Variants in GRIA1 observed in about 807,000 individuals in gnomAD.
The protein encoded by GRIA1 is glutamate ionotropic receptor AMPA type subunit 1.
A neutral mutation model predicts 99.2 loss-of-function variants in GRIA1; 31 were observed. The ratio of observed to expected loss-of-function variants is 0.31; its 90% CI spans 0.23 to 0.42. The LOEUF (loss-of-function observed/expected upper bound fraction) is 0.42. Among genes scored for constraint, GRIA1 ranks in the 10% least tolerant of loss-of-function variants. The pLI, the probability that GRIA1 is intolerant of heterozygous loss-of-function variation, is 1.00. For missense variants in GRIA1, 782 were observed against 1,157.5 expected (o/e 0.68, Z 4.71); for synonymous variants, 438 against 432.4 (o/e 1.01, Z -0.16).
At position 153,811,499 on chromosome 5, in the gene GRIA1, G is replaced by A. The variant is rs1766817786; in HGVS notation, c.*274G>A. 2.5e-6 allele frequency: 1 copy of A among 392,284 alleles called. No homozygotes were observed. Among genetic ancestry groups the A allele is most frequent in the Non-Finnish European group, 4.8e-6 (1 of 208,974 alleles). 24.3% of individuals were successfully genotyped at this position (392,284 alleles called of 1,614,324 possible). On this transcript the variant is annotated 3_prime_UTR_variant, in exon 16 of 16. Transcript: ENST00000285900. ...TAAGGGGAGAGTAACCCTGTCTAAT[G>A]AAACCTGTGTCTCTGAGAGTAGAGT...
At chr5:153,771,972 G>A (rs1229140111) in intron 13 of GRIA1, among the ~76,000 whole-genome samples, 1 of 152,036 alleles carries the variant, frequency 6.6e-6, no homozygotes, top group South Asian at 2.1e-4. Context: ...GAGTTTAAGA[G>A]ACATGAAAAA....
At chr5:153,722,666 T>C (rs1422068640) in intron 11 of GRIA1, among the ~76,000 whole-genome samples, 1 of 152,364 alleles carries the variant, frequency 6.6e-6, no homozygotes, top group Admixed American at 6.5e-5. Context: ...GATATAGTTG[T>C]CTGTCTTTGC....
At chr5:153,760,254 C>T (rs573228931) in intron 11 of GRIA1, among the ~76,000 whole-genome samples, 1 of 152,112 alleles carries the variant, frequency 6.6e-6, no homozygotes, top group African/African-American at 2.4e-5. Flanking sequence ...GAAGTCAGAT[C>T]GTCCCTGTTT....
intron 2 of GRIA1, among the ~76,000 whole-genome samples, chr5:153,617,682 A>C (rs1322840647): frequency 6.6e-6 from 1 of 152,186 alleles, no homozygotes. Flanking sequence ...AGAACAAACC[A>C]ACTGAAGCAT....
rs115084007 is a variant in GRIA1, at chr5:153,766,582, G to A, written c.2022+1950G>A. On this transcript the variant is annotated intron_variant, in intron 12 of 15. Coordinates refer to ENST00000285900, the MANE Select transcript of GRIA1 (RefSeq NM_000827.4). ...CTTGGGAAATTCTTTTGATGCAAGT[G>A]TCAGGGGTGGGTACCAAATCTGAGT... Among the ~76,000 whole-genome samples the A allele has an allele frequency of 6.0e-3, 913 of 152,274 alleles. 10 individuals are homozygous for A. The highest frequency in any genetic ancestry group is 0.021 in the African/African-American group (872 of 41,556).
chr5:153,652,388 T>A (rs9324753), intron 4 of GRIA1, among the ~76,000 whole-genome samples: 10,849 of 152,258 alleles, frequency 0.071, 1,295 homozygotes, highest in African/African-American at 0.25. Flanking sequence ...TTCCCATGCA[T>A]AATCCTACTT....
intron 2 of GRIA1, among the ~76,000 whole-genome samples, chr5:153,563,882 T>C (rs1561645435): frequency 6.6e-6 from 1 of 152,152 alleles, no homozygotes; most frequent in Admixed American, 6.5e-5. Flanking sequence ...CTACTATGAG[T>C]AGTATTGTTG....
chr5:153,757,187 T>G lies in GRIA1; in HGVS notation c.1824-7247T>G, dbSNP rs772939421. The stretch of plus-strand genomic sequence containing the variant: ...AATAGAAAGCATAAACAGCAGAAGT[T>G]AATAAGGCAGAAGAAGGAATCAAGA... On this transcript the variant is annotated intron_variant, in intron 11 of 15. Transcript: ENST00000285900. 5.3e-5 allele frequency among the ~76,000 whole-genome samples: 8 copies of G among 152,180 alleles called. 1 individual carries two copies. Among genetic ancestry groups the G allele is most frequent in the Non-Finnish European group, 8.8e-5 (6 of 67,994 alleles).
At chr5:153,542,455 A>G (rs953281517) in intron 2 of GRIA1, among the ~76,000 whole-genome samples, 1 of 152,234 alleles carries the variant, frequency 6.6e-6, no homozygotes, top group Admixed American at 6.5e-5. Context: ...TCAGATGTAT[A>G]ATAAATGACA....
intron 2 of GRIA1, among the ~76,000 whole-genome samples, chr5:153,594,020 A>AT (rs778642129): frequency 7.1e-4 from 108 of 152,170 alleles, no homozygotes; most frequent in Non-Finnish European, 1.3e-3. Flanking sequence ...TTTATTCAGA[A>AT]TTTTGCACAC....
At chr5:153,724,190 CT>C (rs941078853) in intron 11 of GRIA1, among the ~76,000 whole-genome samples, 87 of 152,302 alleles carry the variant, frequency 5.7e-4, no homozygotes, top group African/African-American at 1.8e-3. Context: ...AGGGTCCTGT[CT>C]CTTAGAAGGA....
At chr5:153,745,589 CAA>C (rs58166158) in intron 11 of GRIA1, among the ~76,000 whole-genome samples, 9,598 of 100,762 alleles carry the variant, frequency 0.095, 322 homozygotes, top group Middle Eastern at 0.16. Context: ...AACTCTGTCT[CAA>C]AAAAAAAAAA....
intron 11 of GRIA1, among the ~76,000 whole-genome samples, chr5:153,746,021 A>G (rs1762133661): frequency 6.6e-6 from 1 of 152,180 alleles, no homozygotes; most frequent in Non-Finnish European, 1.5e-5. Flanking sequence ...AGGTATCCCC[A>G]TTTCACAGCT....
At chr5:153,724,904 A>T (rs555183802) in intron 11 of GRIA1, among the ~76,000 whole-genome samples, 10 of 152,314 alleles carry the variant, frequency 6.6e-5, no homozygotes, top group Admixed American at 2.0e-4. Context: ...GAATGTCACA[A>T]AGATACTCCT....
At chr5:153,619,376 G>A (rs188075298) in intron 2 of GRIA1, among the ~76,000 whole-genome samples, 5 of 152,176 alleles carry the variant, frequency 3.3e-5, no homozygotes, top group South Asian at 4.2e-4. Context: ...TGAGAAGTCC[G>A]AAGATCTTAC....
chr5:153,770,788 A>G (rs905857150), intron 13 of GRIA1, among the ~76,000 whole-genome samples: 25 of 152,238 alleles, frequency 1.6e-4, no homozygotes, highest in Admixed American at 2.0e-4. Context: ...AGCAACCTGA[A>G]TTCTTTGACA....
chr5:153,813,082 CA>C lies in GRIA1; in HGVS notation c.*1860del, dbSNP rs1766932726. Reference sequence around the variant, plus strand: ...TCCACTCTCCTGCCTTCAGCCATAGCAAAGAATCCTTCCAAAATCAAACTCT... The same window carrying C: ...TCCACTCTCCTGCCTTCAGCCATAGCAAGAATCCTTCCAAAATCAAACTCT... On this transcript the variant is annotated 3_prime_UTR_variant, in exon 16 of 16. Coordinates refer to ENST00000285900, the MANE Select transcript of GRIA1 (RefSeq NM_000827.4). 3 of 152,348 alleles carry C rather than the reference CA, an allele frequency of 2.0e-5. No individual in the cohort carries two copies. In the South Asian group the frequency reaches 6.2e-4, roughly 32 times the overall value. 9.4% of individuals were successfully genotyped at this position (152,348 alleles called of 1,614,324 possible).
intron 2 of GRIA1, among the ~76,000 whole-genome samples, chr5:153,603,747 G>A (rs908835179): frequency 1.3e-5 from 2 of 152,100 alleles, no homozygotes; most frequent in African/African-American, 4.8e-5. Context: ...GAACAAGAAG[G>A]GACTGATCAT....
chr5:153,770,911 T>A (rs1763843825), intron 13 of GRIA1, among the ~76,000 whole-genome samples: 1 of 152,216 alleles, frequency 6.6e-6, no homozygotes, highest in Admixed American at 6.5e-5. Context: ...TAGCATCTAA[T>A]GAATAGCACC....
Sources: gnomAD v4.1 joint callset for allele counts (sites outside exome capture counted in the v4.1 genomes callset) on GRCh38, gnomAD v4.1.1 for gene constraint, MANE v1.5 for transcripts, NCBI Gene and HGNC (gene_info 2026-07-23, HGNC 2026-07-21) for gene names.